SPIDR: variants seen among roughly 807,000 people sequenced by gnomAD.
The protein encoded by SPIDR is DNA repair-scaffolding protein.
In SPIDR, 93 loss-of-function variants were observed where a neutral mutation model predicts 104.6. The ratio of observed to expected loss-of-function variants is 0.89; its 90% confidence interval spans 0.75 to 1.06. SPIDR has a LOEUF of 1.06. SPIDR is among the 50% of genes least tolerant of loss of function. The pLI is 0.00. For synonymous variants in SPIDR, 431 were observed against 416.9 expected (o/e 1.03, Z -0.41); for missense variants, 1,154 against 1,111.2 (o/e 1.04, Z -0.55).
At chr8:47,573,585 G>C (rs2058758097) in intron 8 of SPIDR, among the ~76,000 whole-genome samples, 1 of 152,232 alleles carries the variant, frequency 6.6e-6, no homozygotes, top group African/African-American at 2.4e-5. Flanking sequence ...AAGGTGACAG[G>C]AGTAAGTTGG....
intron 8 of SPIDR, among the ~76,000 whole-genome samples, chr8:47,467,164 G>A (rs2075002124): frequency 6.6e-6 from 1 of 151,968 alleles, no homozygotes; most frequent in African/African-American, 2.4e-5. Context: ...ATTGAACTAG[G>A]AAGAAATTGA....
intron 7 of SPIDR, among the ~76,000 whole-genome samples, chr8:47,415,117 A>G (rs953628244): frequency 3.3e-5 from 5 of 152,148 alleles, no homozygotes; most frequent in African/African-American, 4.8e-5. Flanking sequence ...GTTAGCCAGG[A>G]TGGTCTTGAT....
chr8:47,567,524 A>G (rs1665746101), intron 8 of SPIDR, among the ~76,000 whole-genome samples: 1 of 151,960 alleles, frequency 6.6e-6, no homozygotes, highest in South Asian at 2.1e-4. Flanking sequence ...CGGCCTGAGG[A>G]TAAACAATAT....
At chr8:47,633,054 A>G (rs983980425) in intron 10 of SPIDR, among the ~76,000 whole-genome samples, 3 of 152,270 alleles carry the variant, frequency 2.0e-5, no homozygotes, top group African/African-American at 7.2e-5. Flanking sequence ...GTGACCATTT[A>G]GAAACACTGG....
intron 10 of SPIDR, among the ~76,000 whole-genome samples, chr8:47,664,743 CA>C (rs771963348): frequency 2.6e-3 from 168 of 63,514 alleles, no homozygotes; most frequent in African/African-American, 5.3e-3. Context: ...CCCATCTCTA[CA>C]AAAAAAAAAA....
chr8:47,529,589 TAAAAG>T (rs1195705515), intron 8 of SPIDR, among the ~76,000 whole-genome samples: 4 of 151,894 alleles, frequency 2.6e-5, no homozygotes, highest in African/African-American at 9.7e-5. Context: ...CAAGAAATGT[TAAAAG>T]AAATTATTCA....
intron 10 of SPIDR, among the ~76,000 whole-genome samples, chr8:47,665,399 C>T (rs1173382266): frequency 1.3e-5 from 2 of 152,192 alleles, no homozygotes; most frequent in Admixed American, 1.3e-4. Context: ...TATCTTAGCT[C>T]ACCTTTTCAT....
intron 10 of SPIDR, among the ~76,000 whole-genome samples, chr8:47,642,326 G>T (rs987583182): frequency 3.3e-5 from 5 of 151,552 alleles, no homozygotes; most frequent in Admixed American, 3.3e-4. Flanking sequence ...TGAGGCAGGT[G>T]AATGGTGTGA....
intron 1 of SPIDR, among the ~76,000 whole-genome samples, chr8:47,266,565 T>C (rs1246878979): frequency 6.6e-6 from 1 of 152,250 alleles, no homozygotes; most frequent in African/African-American, 2.4e-5. Flanking sequence ...AAAACTGCTA[T>C]AAACATTTGT....
intron 7 of SPIDR, among the ~76,000 whole-genome samples, chr8:47,429,385 G>A (rs921828154): frequency 9.2e-5 from 14 of 152,044 alleles, no homozygotes; most frequent in South Asian, 2.1e-4. Flanking sequence ...TGCACAGCAC[G>A]CAATATCTCC....
chr8:47,528,237 C>T (rs1224465742), intron 8 of SPIDR: 8 of 152,156 alleles, frequency 5.3e-5, no homozygotes, highest in Non-Finnish European at 5.9e-5. Context: ...ATCCTTGATA[C>T]TTTCCCCTAG....
intron 1 of SPIDR, among the ~76,000 whole-genome samples, chr8:47,273,748 C>T (rs2035809342): frequency 6.6e-6 from 1 of 152,074 alleles, no homozygotes; most frequent in Non-Finnish European, 1.5e-5. Context: ...TTCATGCCAC[C>T]ACATCTGGCT....
chr8:47,571,053 G>C (rs563726860), intron 8 of SPIDR, among the ~76,000 whole-genome samples: 1 of 151,834 alleles, frequency 6.6e-6, no homozygotes, highest in Non-Finnish European at 1.5e-5. Context: ...ATCGCACCAC[G>C]GCACTCCAGC....
chr8:47,424,411 C>T (rs782780879), intron 7 of SPIDR, among the ~76,000 whole-genome samples: 48 of 152,164 alleles, frequency 3.2e-4, no homozygotes, highest in Non-Finnish European at 6.3e-4. Context: ...CTCAAGGGCT[C>T]CTGCTACCTC....
chr8:47,435,362 G>C (rs1554691489), intron 7 of SPIDR, among the ~76,000 whole-genome samples: 1 of 151,292 alleles, frequency 6.6e-6, no homozygotes, highest in Non-Finnish European at 1.5e-5. Flanking sequence ...GTGGCCTCTT[G>C]GTTGTTTAAA....
chr8:47,502,173 A>G (rs1234315810), intron 8 of SPIDR, among the ~76,000 whole-genome samples: 4 of 152,200 alleles, frequency 2.6e-5, no homozygotes, highest in African/African-American at 9.7e-5. Flanking sequence ...GTTAGGGACG[A>G]TTCCCTCTTT....
intron 10 of SPIDR, among the ~76,000 whole-genome samples, chr8:47,630,167 A>G (rs1288762645): frequency 6.6e-6 from 1 of 152,242 alleles, no homozygotes; most frequent in Non-Finnish European, 1.5e-5. Context: ...TAGCAAATTG[A>G]ATTTTTGAAC....
intron 5 of SPIDR, among the ~76,000 whole-genome samples, chr8:47,393,146 C>A (rs141091083): frequency 8.9e-4 from 135 of 152,282 alleles, no homozygotes; most frequent in African/African-American, 3.2e-3. Flanking sequence ...GCCTGTTGAC[C>A]AGTTTTTCCC....
intron 7 of SPIDR, among the ~76,000 whole-genome samples, chr8:47,426,486 ACTGT>A (rs2066442243): frequency 6.6e-6 from 1 of 152,256 alleles, no homozygotes; most frequent in Middle Eastern, 3.4e-3. Context: ...CATTGATAGA[ACTGT>A]CTGATTCCAT....
Sources: gnomAD v4.1 joint callset for allele counts (sites outside exome capture counted in the v4.1 genomes callset) on GRCh38, gnomAD v4.1.1 for gene constraint, MANE v1.5 for transcripts, NCBI Gene and HGNC (gene_info 2026-07-23, HGNC 2026-07-21) for gene names.